Variants in ZW10 observed in about 807,000 individuals in gnomAD.
ZW10 encodes centromere/kinetochore protein zw10 homolog.
A neutral mutation model predicts 87.8 loss-of-function variants in ZW10; 53 were observed. That is an observed-to-expected ratio of 0.60 (90% CI 0.48 to 0.76). The LOEUF (loss-of-function observed/expected upper bound fraction) is 0.76. Ranked by LOEUF, ZW10 falls within the 30% of genes least tolerant of loss-of-function variation. The pLI, the probability that ZW10 is intolerant of heterozygous loss-of-function variation, is 0.00. For missense variants in ZW10, 837 were observed against 923.0 expected (o/e 0.91, Z 1.21); for synonymous variants, 312 against 329.2 (o/e 0.95, Z 0.57).
At position 113,733,920 on chromosome 11, in the gene ZW10, A is replaced by G. The variant is rs557190229; in HGVS notation, c.2220-106T>C. ...AAATGCTTATTTGCTTGAAATGGAA[A>G]TAAAACAAATCCTGGGCATCTTTCC... is the stretch of plus-strand genomic sequence containing the variant. On this transcript the variant is annotated intron_variant, in intron 15 of 15. Transcript: ENST00000200135. 3.3e-4 allele frequency: 442 copies of G among 1,342,990 alleles called. 3 individuals carry two copies. The African/African-American group carries it at 5.5e-3, about 17-fold the overall frequency. 83.2% of individuals were successfully genotyped at this position (1,342,990 alleles called of 1,614,324 possible).
rs374143796 is a variant in ZW10 at position 113,758,836 on chromosome 11, T to C, written c.581-130A>G. 89 of 859,384 alleles carry C rather than the reference T, an allele frequency of 1.0e-4. 1 individual carries two copies. The East Asian group carries it at 1.3e-3, about 13-fold the overall frequency. The allele number at this position is 859,384 out of a possible 1,614,324, so 53.2% of individuals were successfully genotyped here. A position where few individuals can be genotyped will look rare whatever the true frequency, so the allele number is the denominator to read the frequency against. On this transcript the variant is annotated intron_variant, in intron 5 of 15. Coordinates refer to ENST00000200135, the MANE Select transcript of ZW10 (RefSeq NM_004724.4). ...AATATACTCCTAATGCAACCAAATA[T>C]GAATTATGACATACATGTCCTTGGC...
intron 7 of ZW10, among the ~76,000 whole-genome samples, chr11:113,755,937 C>T (rs1395385716): frequency 1.3e-5 from 2 of 152,158 alleles, no homozygotes; most frequent in Non-Finnish European, 2.9e-5. Context: ...AGACATAATG[C>T]TATAGCACAC....
intron 11 of ZW10, among the ~76,000 whole-genome samples, chr11:113,741,126 T>G (rs568141957): frequency 4.3e-5 from 6 of 140,168 alleles, no homozygotes; most frequent in Middle Eastern, 3.8e-3. Flanking sequence ...ACAGCTTTTG[T>G]TTTTTTTTTT....
Position 113,737,621 on chromosome 11 carries a change from A to T in ZW10, c.1967T>A (p.Leu656Ter), listed in dbSNP as rs755015136. The change falls in exon 14 of 16, where the codon TTA becomes TAA. Residue 656 changes from leucine to a stop codon, truncating the protein, a stop_gained. Coordinates refer to ENST00000200135, the MANE Select transcript of ZW10 (RefSeq NM_004724.4). LOFTEE classifies it high-confidence loss of function. ...VNIYCKAMGT[L>*]LNTAISEVIG... Reference sequence around the variant, plus strand: ...GACCTCAGAAATTGCTGTATTGAGTAAAGTCCCCATAGCCTTGCAATATAT... The same window carrying T: ...GACCTCAGAAATTGCTGTATTGAGTTAAGTCCCCATAGCCTTGCAATATAT... The T allele has an allele frequency of 1.2e-6, 2 of 1,613,434 alleles. No homozygotes were observed. The highest frequency in any genetic ancestry group is 8.5e-7 in the Non-Finnish European group (1 of 1,179,516).
rs972924775 is a variant in ZW10 at position 113,733,328 on chromosome 11, C to T, written c.*366G>A. The T allele has an allele frequency of 5.7e-6, 1 of 176,298 alleles. No homozygotes were observed. Among genetic ancestry groups the T allele is most frequent in the Non-Finnish European group, 1.2e-5 (1 of 83,796 alleles). The allele number at this position is 176,298 out of a possible 1,614,324, so 10.9% of individuals were successfully genotyped here. A position where few individuals can be genotyped will look rare whatever the true frequency, so the allele number is the denominator to read the frequency against. On this transcript the variant is annotated 3_prime_UTR_variant, in exon 16 of 16. Coordinates refer to ENST00000200135, the MANE Select transcript of ZW10 (RefSeq NM_004724.4). The stretch of plus-strand genomic sequence containing the variant: ...CCGATTTGCTCAGAAATTCTCTACC[C>T]TGACTCCTGGAATCTCCCAATTCCT...
chr11:113,757,572 T>G, intron 7 of ZW10, 90 bp downstream of exon 7: 1 of 1,020,592 alleles, frequency 9.8e-7, no homozygotes, highest in South Asian at 2.7e-5. Context: ...TTCTCACACA[T>G]TATAGGCATT....
chr11:113,736,506 G>C, intron 15 of ZW10, 114 bp downstream of exon 15: 1 of 1,041,618 alleles, frequency 9.6e-7, no homozygotes, highest in Non-Finnish European at 1.5e-6. Context: ...TACTCAATAT[G>C]AAAGTCTTGC....
intron 7 of ZW10, 72 bp from the exon 8 acceptor site, chr11:113,748,492 G>T: frequency 7.4e-7 from 1 of 1,348,414 alleles, no homozygotes; most frequent in South Asian, 1.6e-5. Flanking sequence ...AGGTTTTCTA[G>T]AATTCTTTAA....
chr11:113,760,601 A>G lies in ZW10; in HGVS notation c.343-11T>C, dbSNP rs1007543526. 6.3e-7 allele frequency: 1 copy of G among 1,594,556 alleles called. No homozygotes were observed. The highest frequency in any genetic ancestry group is 8.6e-7 in the Non-Finnish European group (1 of 1,163,356). ...AATAGCAGTGGAAAACTGAAAAGTT[A>G]AGTATAATATTTTATACATCCTATT... On this transcript the variant is annotated splice_polypyrimidine_tract_variant and intron_variant, in intron 3 of 15. Coordinates refer to ENST00000200135, the MANE Select transcript of ZW10 (RefSeq NM_004724.4).
chr11:113,755,321 T>A (rs74839092), intron 7 of ZW10, among the ~76,000 whole-genome samples: 12,867 of 152,260 alleles, frequency 0.085, 584 homozygotes, highest in Middle Eastern at 0.17. Flanking sequence ...TTGGAAGAAG[T>A]TGATTCCAAC....
At chr11:113,733,867 C>A in intron 15 of ZW10, 53 bp from the exon 16 acceptor site, 2 of 1,522,966 alleles carry the variant, frequency 1.3e-6, no homozygotes, top group Admixed American at 4.5e-5. Context: ...GAAGTATAAG[C>A]AAGACTTAAA....
chr11:113,772,670 A>C (rs1937647107), intron 1 of ZW10, among the ~76,000 whole-genome samples: 1 of 152,074 alleles, frequency 6.6e-6, no homozygotes, highest in Non-Finnish European at 1.5e-5. Flanking sequence ...TTGTAGATGA[A>C]GTTTTAAAAC....
intron 7 of ZW10, among the ~76,000 whole-genome samples, chr11:113,749,055 G>T (rs1463916670): frequency 1.3e-5 from 2 of 152,082 alleles, no homozygotes; most frequent in Non-Finnish European, 1.5e-5. Flanking sequence ...AGACTTAGGG[G>T]ATTAAGAGCC....
Position 113,747,531 on chromosome 11 carries a change from C to A in ZW10, c.1272G>T (p.Lys424Asn). 1 of 1,609,546 alleles carries A rather than the reference C, an allele frequency of 6.2e-7. No individual in the cohort carries two copies. The highest frequency in any genetic ancestry group is 1.3e-5 in the African/African-American group (1 of 74,956). Reference sequence around the variant, plus strand: ...ATACAATGCAATATAACACTGGTACCTTCACAGTGTTATGAATTTCTGAGG... The same window carrying A: ...ATACAATGCAATATAACACTGGTACATTCACAGTGTTATGAATTTCTGAGG... Reference protein sequence around the residue: ...LMTSEIHNTVKIIPDSKINVP... With the variant: ...LMTSEIHNTVNIIPDSKINVP... Residue 424 changes from lysine (K) to asparagine (N), a missense_variant and splice_region_variant, in exon 9 of 16, where the codon AAG (lysine) becomes AAT (asparagine). Lys to Asn is a moderately conservative substitution (Grantham distance 94). Coordinates refer to ENST00000200135, the MANE Select transcript of ZW10 (RefSeq NM_004724.4).
chr11:113,747,655 C>T lies in ZW10; in HGVS notation c.1148G>A (p.Gly383Glu). Residue 383 changes from glycine (G) to glutamate (E), a missense_variant, in exon 9 of 16, where the codon GGA (glycine) becomes GAA (glutamate). Physicochemically the swap from Gly to Glu is moderately conservative, Grantham distance 98. Coordinates refer to ENST00000200135, the MANE Select transcript of ZW10 (RefSeq NM_004724.4). Reference sequence around the variant, plus strand: ...GTATTTCAGCAAATCTGTAGTATCTCCTTTTAAAAATCTCATTTCCTTTAG... The same window carrying T: ...GTATTTCAGCAAATCTGTAGTATCTTCTTTTAAAAATCTCATTTCCTTTAG... ...NALKEMRFLKGDTTDLLKYAR... is the reference protein window; with the variant it reads ...NALKEMRFLKEDTTDLLKYAR... 1 of 1,613,172 alleles carries T rather than the reference C, an allele frequency of 6.2e-7. No individual in the cohort carries two copies. Among genetic ancestry groups the T allele is most frequent in the Non-Finnish European group, 8.5e-7 (1 of 1,179,430 alleles).
rs199929656 is a variant in ZW10, at chr11:113,760,470, G to A, written c.420+43C>T. 1.9e-6 allele frequency: 3 copies of A among 1,604,528 alleles called. No individual in the cohort carries two copies. The South Asian group carries it at 3.3e-5, about 18-fold the overall frequency. On this transcript the variant is annotated intron_variant, in intron 4 of 15. Coordinates refer to ENST00000200135, the MANE Select transcript of ZW10 (RefSeq NM_004724.4). ...AAAATACAAAATTTACTGAAAACAA[G>A]AAGAGCACTTATTGCGCATGCTTTG... is the stretch of plus-strand genomic sequence containing the variant.
At position 113,733,736 on chromosome 11, in the gene ZW10, C is replaced by A; in HGVS notation, c.2298G>T (p.Gln766His). 1.9e-6 allele frequency: 3 copies of A among 1,614,102 alleles called. No homozygotes were observed. The highest frequency in any genetic ancestry group is 2.5e-6 in the Non-Finnish European group (3 of 1,180,006). ...EVKALIRALF[Q>H]NTERRAAALA... is the part of the protein sequence containing the mutation. ...GGGCAGCTGCTCTTCTTTCTGTGTT[C>A]TGAAACAAGGCACGAATTAAAGCTT... Residue 766 changes from glutamine to histidine, a missense_variant, in exon 16 of 16, where the codon CAG (glutamine) becomes CAT (histidine). Coordinates refer to ENST00000200135, the MANE Select transcript of ZW10 (RefSeq NM_004724.4).
intron 9 of ZW10, among the ~76,000 whole-genome samples, chr11:113,747,289 G>A (rs1953688580): frequency 3.9e-5 from 6 of 152,168 alleles, no homozygotes; most frequent in Admixed American, 3.9e-4. Context: ...TTACATGTAT[G>A]TAGACTTTTT....
chr11:113,743,861 C>A lies in ZW10; in HGVS notation c.1452G>T (p.Lys484Asn), dbSNP rs2134871892. The A allele has an allele frequency of 1.2e-6, 2 of 1,614,160 alleles. No individual in the cohort carries two copies. The highest frequency in any genetic ancestry group is 2.2e-5 in the South Asian group (2 of 91,080). ...LPTCRISESV[K>N]KLMELAYQTL... ...TCTGATAGGCGAGTTCCATTAATTT[C>A]TTCACAGACTCACTGATACGGCATG... The change falls in exon 10 of 16, where the codon AAG (lysine) becomes AAT (asparagine). Residue 484 changes from lysine to asparagine, a missense_variant. Transcript: ENST00000200135.
Sources: allele counts gnomAD v4.1 joint callset (sites outside exome capture counted in the v4.1 genomes callset), GRCh38; gene constraint gnomAD v4.1.1; transcripts MANE v1.5; gene names NCBI Gene and HGNC (gene_info 2026-07-23, HGNC 2026-07-21).